The following TTC6 variants were observed in gnomAD, a reference collection of about 807,000 sequenced individuals.
The protein encoded by TTC6 is tetratricopeptide repeat domain 6.
TTC6 carries 172 observed loss-of-function variants against 210.4 expected under a neutral mutation model. That is an observed-to-expected ratio of 0.82 (90% CI 0.72 to 0.93). The LOEUF (loss-of-function observed/expected upper bound fraction) is 0.93, where lower values mean the gene tolerates loss of function less well. TTC6 is among the 40% of genes least tolerant of loss of function. The pLI is 0.00. For missense variants in TTC6, 2,414 were observed against 2,318.1 expected (o/e 1.04, Z -0.85); for synonymous variants, 804 against 819.6 (o/e 0.98, Z 0.32).
intron 1 of TTC6, among the ~76,000 whole-genome samples, chr14:37,673,763 A>G (rs950193438): frequency 4.6e-5 from 7 of 152,112 alleles, no homozygotes; most frequent in Non-Finnish European, 1.0e-4. Flanking sequence ...TTTGGGTTTT[A>G]CTGATCCTTC....
chr14:37,778,036 G>A (rs1283303900), intron 14 of TTC6, among the ~76,000 whole-genome samples: 3 of 152,160 alleles, frequency 2.0e-5, no homozygotes, highest in Non-Finnish European at 4.4e-5. Flanking sequence ...CACTTTGATG[G>A]GTGGTGCCAG....
At position 37,790,367 on chromosome 14, in the gene TTC6, A is replaced by G. The variant is rs369577681; in HGVS notation, c.3437-350A>G. Among the ~76,000 whole-genome samples, 19 of 152,278 alleles carry G rather than the reference A, an allele frequency of 1.2e-4. No homozygotes were observed. In the East Asian group the frequency reaches 3.5e-3, roughly 28 times the overall value. On this transcript the variant is annotated intron_variant, in intron 15 of 30. Transcript: ENST00000553443. ...TCTGACTGGAGTTGGATTCTAGGCC[A>G]GTCTTTGCCATTGACTGGTATATCA...
chr14:37,801,634 G>A (rs1466133288), intron 20 of TTC6, among the ~76,000 whole-genome samples: 3 of 152,164 alleles, frequency 2.0e-5, no homozygotes, highest in Admixed American at 6.5e-5. Context: ...TATGGAGAGA[G>A]TGATGTGGTG....
At chr14:37,638,842 AG>A (rs2095686055) in intron 1 of TTC6, among the ~76,000 whole-genome samples, 1 of 152,212 alleles carries the variant, frequency 6.6e-6, no homozygotes, top group Non-Finnish European at 1.5e-5. Flanking sequence ...TAAAGATGTT[AG>A]GAGATTCTTT....
chr14:37,753,445 G>T (rs1018314194), intron 14 of TTC6, among the ~76,000 whole-genome samples: 2 of 152,142 alleles, frequency 1.3e-5, no homozygotes, highest in African/African-American at 4.8e-5. Flanking sequence ...TGTTTCATTT[G>T]CATTTCCTAA....
At chr14:37,837,039 T>TA (rs1224062296) in intron 29 of TTC6, among the ~76,000 whole-genome samples, 3 of 152,186 alleles carry the variant, frequency 2.0e-5, no homozygotes, top group African/African-American at 7.2e-5. Context: ...GACCAATTAT[T>TA]AAAAAATCAA....
chr14:37,784,518 G>A (rs2096063060), intron 14 of TTC6, among the ~76,000 whole-genome samples: 1 of 152,050 alleles, frequency 6.6e-6, no homozygotes, highest in Admixed American at 6.6e-5. Context: ...GTGTGTCTCT[G>A]CACGTTGAGA....
At chr14:37,682,694 C>A in intron 2 of TTC6, 64 bp from the exon 5 acceptor site, 1 of 1,350,246 alleles carries the variant, frequency 7.4e-7, no homozygotes, top group Non-Finnish European at 1.0e-6. Flanking sequence ...ACTGTTGCAT[C>A]ACTGAAAAGC....
chr14:37,671,203 T>A (rs1247481746), intron 1 of TTC6, among the ~76,000 whole-genome samples: 2 of 152,170 alleles, frequency 1.3e-5, no homozygotes, highest in Non-Finnish European at 2.9e-5. Flanking sequence ...TGCTGGTTGT[T>A]GGCAGGAGAC....
chr14:37,716,222 T>C (rs549848198), intron 6 of TTC6, among the ~76,000 whole-genome samples: 2 of 151,756 alleles, frequency 1.3e-5, no homozygotes, highest in African/African-American at 4.8e-5. Flanking sequence ...ACACTATAAA[T>C]AAATAAAAGT....
intron 25 of TTC6, among the ~76,000 whole-genome samples, chr14:37,815,506 G>T (rs1370230294): frequency 6.6e-6 from 1 of 152,146 alleles, no homozygotes; most frequent in Non-Finnish European, 1.5e-5. Context: ...TCTGACAGGA[G>T]GCACAGCTCA....
intron 7 of TTC6, 49 bp from the exon 10 acceptor site, chr14:37,735,872 T>A: frequency 1.7e-6 from 2 of 1,209,590 alleles, no homozygotes; most frequent in Non-Finnish European, 2.3e-6. Flanking sequence ...CATAGGCTTT[T>A]AAAAAGTATT....
chr14:37,814,880 A>G (rs2096137902), intron 25 of TTC6, among the ~76,000 whole-genome samples: 1 of 152,170 alleles, frequency 6.6e-6, no homozygotes, highest in South Asian at 2.1e-4. Flanking sequence ...TTTAGTGGGA[A>G]AGATTGATTA....
Position 37,821,772 on chromosome 14 carries a change from C to CTTT in TTC6, c.4764-1952_4764-1950dup, listed in dbSNP as rs35078384. ...GAGAATGTCTCAGCTAAGAGCTAGTCTTTTTTTTTTTTTTTTTTTTTTTTT... is the reference window on the plus strand; with the variant it reads ...GAGAATGTCTCAGCTAAGAGCTAGTCTTTTTTTTTTTTTTTTTTTTTTTTTTTT... On this transcript the variant is annotated intron_variant, in intron 26 of 30. Transcript: ENST00000553443. 9.2e-3 allele frequency among the ~76,000 whole-genome samples: 635 copies of CTTT among 69,118 alleles called. 27 individuals are homozygous for CTTT. The highest frequency in any genetic ancestry group is 0.03 in the Middle Eastern group (2 of 66). The allele number at this position is 69,118 out of a possible 152,430, so 45.3% of individuals were successfully genotyped here.
chr14:37,648,120 G>C (rs1243070491), intron 1 of TTC6, among the ~76,000 whole-genome samples: 1 of 152,026 alleles, frequency 6.6e-6, no homozygotes, highest in Admixed American at 6.6e-5. Flanking sequence ...TACCATATTG[G>C]TTTAAATATG....
chr14:37,734,877 A>T (rs1376387108), intron 7 of TTC6, among the ~76,000 whole-genome samples: 1 of 152,190 alleles, frequency 6.6e-6, no homozygotes, highest in Non-Finnish European at 1.5e-5. Flanking sequence ...TCTATGAAGC[A>T]CGGTACTAAG....
chr14:37,727,928 T>C (rs12884961), intron 7 of TTC6, among the ~76,000 whole-genome samples: 1 of 152,166 alleles, frequency 6.6e-6, no homozygotes, highest in African/African-American at 2.4e-5. Flanking sequence ...TATCCCAATA[T>C]CTCTCAGTTA....
chr14:37,714,583 G>T, intron 5 of TTC6, 72 bp from the exon 8 acceptor site: 1 of 1,269,086 alleles, frequency 7.9e-7, no homozygotes, highest in South Asian at 1.6e-5. Context: ...GTGGAGTTAT[G>T]AAATGAGGGC....
chr14:37,703,754 A>G (rs1430019313), intron 5 of TTC6, among the ~76,000 whole-genome samples: 1 of 152,130 alleles, frequency 6.6e-6, no homozygotes, highest in African/African-American at 2.4e-5. Context: ...ACTTACGCTT[A>G]TTTTGCTAAA....
Sources: allele counts gnomAD v4.1 joint callset (sites outside exome capture counted in the v4.1 genomes callset), GRCh38; gene constraint gnomAD v4.1.1; transcripts MANE v1.5; gene names NCBI Gene and HGNC (gene_info 2026-07-23, HGNC 2026-07-21).